CD8A: variants seen among roughly 807,000 people sequenced by gnomAD.
CD8A encodes the protein CD8 subunit alpha, also known as T-cell surface glycoprotein CD8 alpha chain.
Under a neutral mutation model 24.2 loss-of-function variants are expected in CD8A, and 25 were observed. The observed-to-expected ratio is 1.03, with a 90% CI of 0.75 to 1.44. The LOEUF (loss-of-function observed/expected upper bound fraction) is 1.44. Ranked by LOEUF, CD8A falls within the 40% of genes most tolerant of loss-of-function variation. CD8A has a pLI of 0.00. For synonymous variants in CD8A, 165 were observed against 149.9 expected, an observed-to-expected ratio of 1.10 and a Z score of -0.74; for missense variants, 360 against 319.7, an observed-to-expected ratio of 1.13 and a Z score of -0.96.
intron 3 of CD8A, among the ~76,000 whole-genome samples, chr2:86,800,632 C>T (rs1410928503): frequency 3.3e-5 from 5 of 151,998 alleles, no homozygotes; most frequent in African/African-American, 9.7e-5. Flanking sequence ...TGGTAGGCTT[C>T]GGTAAAACCT....
rs180888333 is a variant in CD8A, at chr2:86,789,724, G to T, written c.430C>A (p.Arg144=). Residue 144 remains arginine, a synonymous_variant, in exon 3 of 6, where the codon CGA becomes AGA. Coordinates refer to ENST00000283635, the MANE Select transcript of CD8A (RefSeq NM_001768.7). Reference sequence around the variant, plus strand: ...ATGGTGGGCGCCGGTGTTGGTGGTCGCGGCGCTGGCGTCGTGGTGGGCTTC... The same window carrying T: ...ATGGTGGGCGCCGGTGTTGGTGGTCTCGGCGCTGGCGTCGTGGTGGGCTTC... ...PAKPTTTPAP[R]PPTPAPTIAS... 1.6e-4 allele frequency: 217 copies of T among 1,369,920 alleles called. 2 individuals carry two copies. The East Asian group carries it at 6.3e-3, about 40-fold the overall frequency. 84.9% of individuals were successfully genotyped at this position (1,369,920 alleles called of 1,614,324 possible).
intron 2 of CD8A, 111 bp downstream of exon 2, chr2:86,790,217 A>C (rs1177555687): frequency 3.7e-6 from 3 of 806,342 alleles, no homozygotes; most frequent in Non-Finnish European, 6.5e-6. Context: ...ACAGTATCTA[A>C]GTCGCTTCCA....
chr2:86,791,662 C>A (rs772159785), upstream of CD8A: 105 of 454,042 alleles, frequency 2.3e-4, no homozygotes, highest in Non-Finnish European at 6.2e-5. Context: ...CCATGGCCTG[C>A]ATTGCTGGAT....
chr2:86,804,969 A>ATT (rs1052046255), intron 2 of CD8A, among the ~76,000 whole-genome samples: 9 of 151,788 alleles, frequency 5.9e-5, no homozygotes, highest in African/African-American at 1.9e-4. Context: ...TGCCTGGCTA[A>ATT]TTTTTGTATT....
chr2:86,785,582 A>G lies in CD8A; in HGVS notation c.*338T>C. 1.9e-6 allele frequency: 1 copy of G among 534,854 alleles called. No individual in the cohort carries two copies. Among genetic ancestry groups the G allele is most frequent in the Non-Finnish European group, 3.6e-6 (1 of 279,342 alleles). 33.1% of individuals were successfully genotyped at this position (534,854 alleles called of 1,614,324 possible). A position where few individuals can be genotyped will look rare whatever the true frequency, so the allele number is the denominator to read the frequency against. ...GGGCTTTAGCCTCCCCCTTTGTAAA[A>G]CGGGCGGGGAAGAGGTTGAGATGGC... On this transcript the variant is annotated 3_prime_UTR_variant, in exon 6 of 6. Coordinates refer to ENST00000283635, the MANE Select transcript of CD8A (RefSeq NM_001768.7).
chr2:86,792,567 T>TG (rs1210484799), upstream of CD8A, among the ~76,000 whole-genome samples: 2 of 151,728 alleles, frequency 1.3e-5, no homozygotes, highest in Non-Finnish European at 2.9e-5. Context: ...CCACCTCGGC[T>TG]CACTGCAGCC....
chr2:86,791,690 C>G (rs1181344651), upstream of CD8A: 2 of 453,560 alleles, frequency 4.4e-6, no homozygotes, highest in Non-Finnish European at 8.8e-6. Context: ...CAACCCCCAG[C>G]TTGGTTGACC....
chr2:86,788,428 G>T, intron 5 of CD8A, 102 bp downstream of exon 5: 2 of 922,308 alleles, frequency 2.2e-6, no homozygotes, highest in South Asian at 2.7e-5. Context: ...TCACGGCCAT[G>T]ACCTCTCTCT....
chr2:86,789,651 G>T lies in CD8A; in HGVS notation c.503C>A (p.Ala168Glu). The change falls in exon 3 of 6, where the codon GCG (alanine) becomes GAG (glutamate). Residue 168 changes from alanine to glutamate, a missense_variant. Physicochemically the swap from Ala to Glu is moderately radical, Grantham distance 107. Transcript: ENST00000283635. ...SLRPEACRPA[A>E]GGAVHTRGLD... Reference sequence around the variant, plus strand: ...CCCGCACGCCTCACCTGCGCCCCCCGCCGCTGGCCGGCACGCCTCTGGGCG... The same window carrying T: ...CCCGCACGCCTCACCTGCGCCCCCCTCCGCTGGCCGGCACGCCTCTGGGCG... The T allele has an allele frequency of 6.1e-6, 9 of 1,480,062 alleles. No homozygotes were observed. Among genetic ancestry groups the T allele is most frequent in the Non-Finnish European group, 8.0e-6 (9 of 1,120,126 alleles). The allele number at this position is 1,480,062 out of a possible 1,614,324, so 91.7% of individuals were successfully genotyped here.
upstream of CD8A, chr2:86,791,639 C>A (rs1366238560): frequency 4.4e-6 from 2 of 454,054 alleles, no homozygotes; most frequent in Non-Finnish European, 4.4e-6. Context: ...GACAGCGTCA[C>A]TGCTGCAGCC....
intron 3 of CD8A, among the ~76,000 whole-genome samples, chr2:86,798,067 T>C (rs1232973068): frequency 6.6e-6 from 1 of 152,236 alleles, no homozygotes; most frequent in African/African-American, 2.4e-5. Flanking sequence ...AATTGTGCCT[T>C]CTGGATGAAT....
At chr2:86,803,874 T>A (rs994292187) in intron 2 of CD8A, among the ~76,000 whole-genome samples, 6 of 152,220 alleles carry the variant, frequency 3.9e-5, no homozygotes, top group South Asian at 2.1e-4. Context: ...AAAGGTCAAA[T>A]ATATAGAGAA....
chr2:86,801,832 C>G (rs1011560982), intron 2 of CD8A, among the ~76,000 whole-genome samples: 3 of 151,918 alleles, frequency 2.0e-5, no homozygotes, highest in African/African-American at 7.3e-5. Context: ...TAAAATAAAT[C>G]CTGTTATTTT....
upstream of CD8A, among the ~76,000 whole-genome samples, chr2:86,795,790 G>A (rs1673463094): frequency 1.3e-5 from 2 of 152,094 alleles, no homozygotes; most frequent in African/African-American, 4.8e-5. Context: ...TTCTGACTGT[G>A]GGCCCTGGAA....
At position 86,790,313 on chromosome 2, in the gene CD8A, A is replaced by G; in HGVS notation, c.403+15T>C. 6.3e-7 allele frequency: 1 copy of G among 1,596,166 alleles called. No individual in the cohort carries two copies. Among genetic ancestry groups the G allele is most frequent in the South Asian group, 1.1e-5 (1 of 90,618 alleles). On this transcript the variant is annotated intron_variant, in intron 2 of 5. Transcript: ENST00000283635. Reference sequence around the variant, plus strand: ...AAGCCCCACGCGGAGAGGTGCCGCAACCCGGCGCGCGGACCTGGCAGGAAG... The same window carrying G: ...AAGCCCCACGCGGAGAGGTGCCGCAGCCCGGCGCGCGGACCTGGCAGGAAG...
At chr2:86,798,477 A>C (rs1673554952) in intron 3 of CD8A, among the ~76,000 whole-genome samples, 1 of 149,930 alleles carries the variant, frequency 6.7e-6, no homozygotes, top group Non-Finnish European at 1.5e-5. Context: ...GCCCGGCCAG[A>C]AACACAACTT....
chr2:86,796,892 A>G (rs1673501685), intron 3 of CD8A, among the ~76,000 whole-genome samples: 1 of 152,086 alleles, frequency 6.6e-6, no homozygotes, highest in Non-Finnish European at 1.5e-5. Context: ...TACTCCTCCC[A>G]ACTTCCTGTT....
At chr2:86,799,080 G>A (rs1003952630) in intron 3 of CD8A, among the ~76,000 whole-genome samples, 31 of 152,112 alleles carry the variant, frequency 2.0e-4, no homozygotes, top group Non-Finnish European at 2.9e-5. Context: ...AGTGGTTCTT[G>A]AACCAGAGTG....
In CD8A at chr2:86,785,728, T is replaced by C. The variant is rs1465080720; in HGVS notation, c.*192A>G. On this transcript the variant is annotated 3_prime_UTR_variant, in exon 6 of 6. Coordinates refer to ENST00000283635, the MANE Select transcript of CD8A (RefSeq NM_001768.7). Reference sequence around the variant, plus strand: ...GTATTGTGACCCTTGTGGTGTACTGTAGATTTTACCTAGTTTTGTTTCCCG... The same window carrying C: ...GTATTGTGACCCTTGTGGTGTACTGCAGATTTTACCTAGTTTTGTTTCCCG... 1.1e-5 allele frequency: 8 copies of C among 740,290 alleles called. No individual in the cohort carries two copies. The highest frequency in any genetic ancestry group is 2.0e-5 in the Non-Finnish European group (8 of 403,322). 45.9% of individuals were successfully genotyped at this position (740,290 alleles called of 1,614,324 possible). A position where few individuals can be genotyped will look rare whatever the true frequency, so the allele number is the denominator to read the frequency against.
Sources: allele counts gnomAD v4.1 joint callset (sites outside exome capture counted in the v4.1 genomes callset), GRCh38; gene constraint gnomAD v4.1.1; transcripts MANE v1.5; gene names NCBI Gene and HGNC (gene_info 2026-07-23, HGNC 2026-07-21).